Variants in CAGE1 observed in about 807,000 individuals in gnomAD.
The protein encoded by CAGE1 is cancer antigen 1.
Under a neutral mutation model 94.9 loss-of-function variants are expected in CAGE1, and 66 were observed. That is an observed-to-expected ratio of 0.70 (90% CI 0.57 to 0.85). The LOEUF (loss-of-function observed/expected upper bound fraction) is 0.85, where lower values mean the gene tolerates loss of function less well. CAGE1 is among the 40% of genes least tolerant of loss of function. The pLI, the probability that CAGE1 is intolerant of heterozygous loss-of-function variation, is 0.00. For missense variants in CAGE1, 865 were observed against 950.4 expected (o/e 0.91, Z 1.18); for synonymous variants, 319 against 321.0 (o/e 0.99, Z 0.07).
chr6:7,356,057 A>G lies in CAGE1; in HGVS notation c.2266T>C (p.Tyr756His), dbSNP rs1379461435. The change falls in exon 10 of 14, where the codon TAT (tyrosine) becomes CAT (histidine). Residue 756 changes from tyrosine (Y) to histidine (H), a missense_variant. Transcript: ENST00000502583. ...CNRLIEENDK[Y>H]QRHLGNLIKK... is the part of the protein sequence containing the mutation. ...ATTAAGTTGCCTAAATGTCTTTGAT[A>G]CTTGTCATTTTCTTCAATGAGTCTG... The G allele has an allele frequency of 1.3e-6, 2 of 1,548,810 alleles. No homozygotes were observed. The highest frequency in any genetic ancestry group is 2.4e-5 in the South Asian group (2 of 83,968).
Position 7,326,862 on chromosome 6 carries a change from T to A in CAGE1, c.2516A>T (p.Asp839Val), listed in dbSNP as rs1241050880. ...ALFKENRNDL[D>V] ...CTGTTTAATCTTCAGGCTTGTTTAATCTAAATCATTTCTATTTTCTTTAAA... is the reference window on the plus strand; with the variant it reads ...CTGTTTAATCTTCAGGCTTGTTTAAACTAAATCATTTCTATTTTCTTTAAA... Residue 839 changes from aspartate to valine, a missense_variant, in exon 14 of 14, where the codon GAT becomes GTT. Asp to Val is a radical substitution (Grantham distance 152). Transcript: ENST00000502583. 1 of 1,576,318 alleles carries A rather than the reference T, an allele frequency of 6.3e-7. No individual in the cohort carries two copies. Among genetic ancestry groups the A allele is most frequent in the Admixed American group, 1.7e-5 (1 of 59,824 alleles).
chr6:7,376,762 T>C (rs1760760370), intron 4 of CAGE1, among the ~76,000 whole-genome samples: 1 of 152,142 alleles, frequency 6.6e-6, no homozygotes, highest in African/African-American at 2.4e-5. Flanking sequence ...ATGCTTCCTG[T>C]GGCCACAGGG....
chr6:7,327,032 CACAGATAATACCA>C (rs1758562011), intron 13 of CAGE1, 133 bp from the exon 14 acceptor site: 1 of 684,486 alleles, frequency 1.5e-6, no homozygotes, highest in African/African-American at 1.8e-5. Flanking sequence ...AGATGAATTC[CACAGATAATACCA>C]ACACTATATT....
chr6:7,331,007 A>G (rs1218912703), intron 12 of CAGE1, among the ~76,000 whole-genome samples: 1 of 152,236 alleles, frequency 6.6e-6, no homozygotes, highest in Non-Finnish European at 1.5e-5. Flanking sequence ...AGTATAAATT[A>G]GCATTTACTG....
rs1450292658 is a variant in CAGE1 at position 7,389,228 on chromosome 6, A to C, written c.-50T>G. 1 of 456,104 alleles carries C rather than the reference A, an allele frequency of 2.2e-6. No individual in the cohort carries two copies. The highest frequency in any genetic ancestry group is 4.4e-6 in the Non-Finnish European group (1 of 226,890). The allele number at this position is 456,104 out of a possible 1,614,324, so 28.3% of individuals were successfully genotyped here. On this transcript the variant is annotated 5_prime_UTR_variant, in exon 1 of 14. It removes an upstream start codon present in the reference 5' UTR. Transcript: ENST00000502583. ...TTTTTAAAAAGCACTTATCTCATTC[A>C]TTTTTCACCTCAAAACGAGACACCA...
chr6:7,352,772 C>A (rs1357122699), intron 11 of CAGE1, among the ~76,000 whole-genome samples: 1 of 152,078 alleles, frequency 6.6e-6, no homozygotes, highest in Non-Finnish European at 1.5e-5. Context: ...TTTGACAAAG[C>A]AAACAAAAAC....
intron 7 of CAGE1, among the ~76,000 whole-genome samples, chr6:7,366,259 A>G (rs1760330046): frequency 6.6e-6 from 1 of 151,924 alleles, no homozygotes; most frequent in Non-Finnish European, 1.5e-5. Flanking sequence ...AAAAAAAAAA[A>G]AAAAATCAAA....
At chr6:7,344,543 G>A (rs191317423) in intron 11 of CAGE1, among the ~76,000 whole-genome samples, 4 of 152,346 alleles carry the variant, frequency 2.6e-5, no homozygotes, top group African/African-American at 4.8e-5. Flanking sequence ...CTGGATGAGC[G>A]CCGCCCCCTG....
chr6:7,372,038 G>A (rs567588815), intron 5 of CAGE1, among the ~76,000 whole-genome samples: 6 of 152,258 alleles, frequency 3.9e-5, no homozygotes, highest in Non-Finnish European at 7.4e-5. Context: ...CAAACATATT[G>A]TTATGGTTCT....
chr6:7,365,367 T>A, intron 9 of CAGE1, 101 bp downstream of exon 9: 1 of 928,544 alleles, frequency 1.1e-6, no homozygotes, highest in Non-Finnish European at 1.6e-6. Context: ...TGTGACCCTT[T>A]TTATAAGCCA....
intron 9 of CAGE1, among the ~76,000 whole-genome samples, chr6:7,358,027 G>GATATATATATATGTGTAT (rs1554138207): frequency 2.1e-5 from 1 of 48,076 alleles, no homozygotes; most frequent in Non-Finnish European, 4.3e-5. Flanking sequence ...TAAGTTTTGA[G>GATATATATATATGTGTAT]ATATATATAT....
intron 11 of CAGE1, among the ~76,000 whole-genome samples, chr6:7,335,518 C>A (rs1476269179): frequency 6.6e-6 from 1 of 152,210 alleles, no homozygotes; most frequent in Non-Finnish European, 1.5e-5. Context: ...TTAGCTCTTG[C>A]CAAATGTTGC....
chr6:7,373,508 C>T lies in CAGE1; in HGVS notation c.1311G>A (p.Gln437=), dbSNP rs1215463255. ...EMQQKNKSVS[Q]YLEMDKTLSK... ...TTAAGGTTTTGTCCATCTCTAAATA[C>T]TGACTTACAGATTTATTTTTTTGTT... Residue 437 remains glutamine (Q), a synonymous_variant, in exon 5 of 14, where the codon CAG becomes CAA. Transcript: ENST00000502583. 4.3e-6 allele frequency: 7 copies of T among 1,613,826 alleles called. No individual in the cohort carries two copies. The South Asian group carries it at 7.7e-5, about 18-fold the overall frequency.
chr6:7,360,886 G>T (rs1186082834), intron 9 of CAGE1, among the ~76,000 whole-genome samples: 1 of 152,134 alleles, frequency 6.6e-6, no homozygotes, highest in Admixed American at 6.5e-5. Context: ...GGTGGAGGTT[G>T]CAGTGAGCCG....
chr6:7,329,274 G>T, intron 13 of CAGE1: 1 of 386,708 alleles, frequency 2.6e-6, no homozygotes, highest in South Asian at 1.2e-4. Flanking sequence ...CAACTAAAAA[G>T]AAAAGAAAAA....
chr6:7,387,160 T>C lies in CAGE1; in HGVS notation c.14A>G (p.Tyr5Cys). The C allele has an allele frequency of 1.3e-6, 2 of 1,550,738 alleles. No homozygotes were observed. Among genetic ancestry groups the C allele is most frequent in the Non-Finnish European group, 1.7e-6 (2 of 1,146,246 alleles). The change falls in exon 2 of 14, where the codon TAT becomes TGT. Residue 5 changes from tyrosine to cysteine, a missense_variant. Physicochemically the swap from Tyr to Cys is radical, Grantham distance 194. Coordinates refer to ENST00000502583, the MANE Select transcript of CAGE1 (RefSeq NM_001170692.2). Reference protein sequence around the residue: MNKDYQKFWSSPSDP... With the variant: MNKDCQKFWSSPSDP... Reference sequence around the variant, plus strand: ...TGAAGGTGATGACCAAAATTTTTGATAGTCCTTGTTCATAACTGTTGAACA... The same window carrying C: ...TGAAGGTGATGACCAAAATTTTTGACAGTCCTTGTTCATAACTGTTGAACA...
At chr6:7,367,278 A>ATTTT (rs70978961) in intron 7 of CAGE1, among the ~76,000 whole-genome samples, 10 of 111,220 alleles carry the variant, frequency 9.0e-5, no homozygotes, top group Non-Finnish European at 1.4e-4. Flanking sequence ...TATTTGGGGG[A>ATTTT]TTTTTTTTTT....
chr6:7,340,329 T>C (rs1759116569), intron 11 of CAGE1, among the ~76,000 whole-genome samples: 1 of 152,244 alleles, frequency 6.6e-6, no homozygotes, highest in South Asian at 2.1e-4. Context: ...CTTTGTCAGA[T>C]GTACGGAGTG....
chr6:7,329,151 T>G (rs919909306), intron 13 of CAGE1: 2 of 381,006 alleles, frequency 5.2e-6, no homozygotes, highest in Non-Finnish European at 9.4e-6. Flanking sequence ...CAGGCTGGTC[T>G]TGAACTCCTG....
Sources: gnomAD v4.1 joint callset for allele counts (sites outside exome capture counted in the v4.1 genomes callset) on GRCh38, gnomAD v4.1.1 for gene constraint, MANE v1.5 for transcripts, NCBI Gene and HGNC (gene_info 2026-07-23, HGNC 2026-07-21) for gene names.